The following ANAPC10 variants were observed in gnomAD, a reference collection of about 807,000 sequenced individuals.
ANAPC10 encodes anaphase-promoting complex subunit 10.
ANAPC10 carries 12 observed loss-of-function variants against 22.0 expected under a neutral mutation model. The observed-to-expected ratio is 0.55, with a 90% CI of 0.35 to 0.88. The LOEUF (loss-of-function observed/expected upper bound fraction) is 0.88, where lower values mean the gene tolerates loss of function less well. Among genes scored for constraint, ANAPC10 ranks in the 40% least tolerant of loss-of-function variants. The pLI is 0.01. For missense variants in ANAPC10, 188 were observed against 220.9 expected (o/e 0.85, Z 0.94); for synonymous variants, 65 against 69.5 (o/e 0.94, Z 0.32).
chr4:145,025,975 AT>A (rs1373196220), intron 4 of ANAPC10, among the ~76,000 whole-genome samples: 1 of 152,166 alleles, frequency 6.6e-6, no homozygotes, highest in Non-Finnish European at 1.5e-5. Context: ...GAGGGTCTAG[AT>A]TCAGGTAAAA....
chr4:145,082,225 T>C (rs1579142402), intron 2 of ANAPC10, among the ~76,000 whole-genome samples: 1 of 152,322 alleles, frequency 6.6e-6, no homozygotes, highest in East Asian at 1.9e-4. Context: ...TCTCGGCTCA[T>C]TGCAACCTCC....
chr4:145,075,155 C>T (rs1745015158), intron 3 of ANAPC10, among the ~76,000 whole-genome samples: 1 of 152,106 alleles, frequency 6.6e-6, no homozygotes, highest in Non-Finnish European at 1.5e-5. Context: ...ATCCCAAAAT[C>T]ATACTAGCTT....
chr4:145,097,034 C>T (rs1003841455), intron 1 of ANAPC10, among the ~76,000 whole-genome samples: 5 of 152,038 alleles, frequency 3.3e-5, no homozygotes, highest in Non-Finnish European at 7.4e-5. Flanking sequence ...TATGGTGAAA[C>T]CCTGTCTCTA....
intron 4 of ANAPC10, among the ~76,000 whole-genome samples, chr4:145,020,976 A>G (rs1288244861): frequency 2.0e-5 from 3 of 152,166 alleles, no homozygotes; most frequent in East Asian, 1.9e-4. Flanking sequence ...AACACATCCC[A>G]TGTTCATGGA....
chr4:144,998,734 A>C (rs1732024647), intron 4 of ANAPC10, among the ~76,000 whole-genome samples: 3 of 152,204 alleles, frequency 2.0e-5, no homozygotes, highest in South Asian at 4.1e-4. Flanking sequence ...AAACACATTC[A>C]AAAGCCAGCA....
chr4:145,031,091 C>G (rs932267324), intron 4 of ANAPC10, among the ~76,000 whole-genome samples: 7 of 152,194 alleles, frequency 4.6e-5, no homozygotes, highest in Admixed American at 4.6e-4. Flanking sequence ...TAAGGCCCAC[C>G]AGAAGCAATT....
intron 1 of ANAPC10, chr4:145,097,520 T>C (rs1368569736): frequency 7.8e-7 from 1 of 1,287,142 alleles, no homozygotes; most frequent in African/African-American, 1.5e-5. Flanking sequence ...TCCCATTGTA[T>C]CCGAAGTTGT....
At chr4:145,039,487 A>G (rs929816549) in intron 4 of ANAPC10, among the ~76,000 whole-genome samples, 1 of 152,242 alleles carries the variant, frequency 6.6e-6, no homozygotes, top group African/African-American at 2.4e-5. Flanking sequence ...ATGAGATAAT[A>G]ATAAATAACA....
At chr4:145,081,799 A>T in intron 2 of ANAPC10, 49 bp from the exon 3 acceptor site, 1 of 1,255,494 alleles carries the variant, frequency 8.0e-7, no homozygotes, top group Non-Finnish European at 1.2e-6. Context: ...AGAAACAACT[A>T]TACATGCAAA....
intron 4 of ANAPC10, among the ~76,000 whole-genome samples, chr4:145,059,053 TTC>T (rs571490872): frequency 1.1e-4 from 16 of 152,280 alleles, no homozygotes; most frequent in Non-Finnish European, 2.1e-4. Context: ...AAATTACACT[TTC>T]TGTCTTATCA....
chr4:145,007,885 A>G (rs925574072), intron 4 of ANAPC10, among the ~76,000 whole-genome samples: 2 of 151,048 alleles, frequency 1.3e-5, no homozygotes, highest in Non-Finnish European at 3.0e-5. Flanking sequence ...AAAAAAATCA[A>G]TGAATCCAGG....
chr4:145,074,279 T>C (rs554751908), intron 3 of ANAPC10, among the ~76,000 whole-genome samples: 1 of 151,916 alleles, frequency 6.6e-6, no homozygotes, highest in Non-Finnish European at 1.5e-5. Context: ...AGGACTTATT[T>C]CTCCTAACTG....
At chr4:145,006,395 A>G (rs998685705) in intron 4 of ANAPC10, among the ~76,000 whole-genome samples, 1 of 152,066 alleles carries the variant, frequency 6.6e-6, no homozygotes, top group African/African-American at 2.4e-5. Context: ...ATTGCATGAG[A>G]TATGGGTCTC....
At chr4:145,061,538 A>G (rs1245850476) in intron 4 of ANAPC10, among the ~76,000 whole-genome samples, 1 of 152,188 alleles carries the variant, frequency 6.6e-6, no homozygotes, top group Admixed American at 6.5e-5. Context: ...TGACATCTAG[A>G]GGAGGTTTCA....
intron 4 of ANAPC10, among the ~76,000 whole-genome samples, chr4:144,997,641 G>C (rs917537167): frequency 1.3e-5 from 2 of 152,156 alleles, no homozygotes; most frequent in Non-Finnish European, 2.9e-5. Context: ...AAATTGTAAA[G>C]ACCATCAATG....
intron 4 of ANAPC10, among the ~76,000 whole-genome samples, chr4:145,057,323 T>G (rs1272417351): frequency 6.6e-6 from 1 of 152,186 alleles, no homozygotes; most frequent in Admixed American, 6.5e-5. Flanking sequence ...AACTGCCTAT[T>G]AAAACATGAA....
chr4:145,022,962 G>A (rs1284444142), intron 4 of ANAPC10, among the ~76,000 whole-genome samples: 1 of 152,018 alleles, frequency 6.6e-6, no homozygotes, highest in Non-Finnish European at 1.5e-5. Context: ...CCATGTTGGT[G>A]TGCTGCACCC....
At chr4:145,073,644 G>C (rs1744801104) in intron 3 of ANAPC10, among the ~76,000 whole-genome samples, 1 of 151,784 alleles carries the variant, frequency 6.6e-6, no homozygotes, top group African/African-American at 2.4e-5. Context: ...TTCAACCCAG[G>C]CTTTAGTAAA....
chr4:145,020,527 A>AGGATG (rs1264696719), intron 4 of ANAPC10, among the ~76,000 whole-genome samples: 1 of 152,190 alleles, frequency 6.6e-6, no homozygotes, highest in Non-Finnish European at 1.5e-5. Context: ...GAACAAAACA[A>AGGATG]GGATGCCCAC....
Sources: allele counts gnomAD v4.1 joint callset (sites outside exome capture counted in the v4.1 genomes callset), GRCh38; gene constraint gnomAD v4.1.1; transcripts MANE v1.5; gene names NCBI Gene and HGNC (gene_info 2026-07-23, HGNC 2026-07-21).